Variants in RTTN observed in about 807,000 individuals in gnomAD.
RTTN encodes the protein rotatin.
RTTN carries 182 observed loss-of-function variants against 269.2 expected under a neutral mutation model. That is an observed-to-expected ratio of 0.68 (90% CI 0.60 to 0.76). RTTN has a LOEUF of 0.76. Among genes scored for constraint, RTTN ranks in the 30% least tolerant of loss-of-function variants. The probability of loss-of-function intolerance (pLI) is 0.00; values close to 1 mark genes in which losing one functional copy is unlikely to be tolerated. For missense variants in RTTN, 2,545 were observed against 2,608.6 expected, an observed-to-expected ratio of 0.98 and a Z score of 0.53; for synonymous variants, 1,006 against 963.5, an observed-to-expected ratio of 1.04 and a Z score of -0.82.
chr18:70,084,298 T>C (rs774577818), intron 32 of RTTN, among the ~76,000 whole-genome samples: 9 of 152,190 alleles, frequency 5.9e-5, no homozygotes, highest in African/African-American at 9.7e-5. Context: ...AACATGCTGT[T>C]TCATGCTATA....
chr18:70,093,207 T>C (rs2058899756), intron 28 of RTTN, among the ~76,000 whole-genome samples: 1 of 151,938 alleles, frequency 6.6e-6, no homozygotes, highest in Admixed American at 6.6e-5. Context: ...CTGTAATTTT[T>C]CAAAACAAAA....
intron 26 of RTTN, among the ~76,000 whole-genome samples, chr18:70,121,042 C>A (rs374572529): frequency 5.4e-4 from 81 of 150,754 alleles, no homozygotes; most frequent in African/African-American, 1.9e-3. Context: ...CAGGGCGAGA[C>A]GCCGTCTCAA....
chr18:70,046,585 G>A (rs1230657123), intron 40 of RTTN, among the ~76,000 whole-genome samples: 5 of 152,214 alleles, frequency 3.3e-5, no homozygotes, highest in Non-Finnish European at 7.3e-5. Context: ...AATAAAGTCT[G>A]TTGTTCTGAT....
intron 19 of RTTN, among the ~76,000 whole-genome samples, chr18:70,141,920 A>C (rs780799950): frequency 3.3e-5 from 5 of 152,222 alleles, no homozygotes; most frequent in African/African-American, 9.6e-5. Flanking sequence ...AAACAGAGGA[A>C]GGAACATGCA....
intron 31 of RTTN, 59 bp downstream of exon 31, chr18:70,087,930 G>A (rs766346648): frequency 3.3e-5 from 51 of 1,550,392 alleles, no homozygotes; most frequent in East Asian, 1.8e-4. Flanking sequence ...GTCAAGTATC[G>A]CTTACGGATA....
intron 19 of RTTN, among the ~76,000 whole-genome samples, chr18:70,141,516 C>A (rs2060256096): frequency 6.6e-6 from 1 of 152,188 alleles, no homozygotes; most frequent in African/African-American, 2.4e-5. Context: ...AGCAAACTAT[C>A]ACAAAGACAG....
chr18:70,145,774 C>T lies in RTTN; in HGVS notation c.2319G>A (p.Ser773=), dbSNP rs758513533. The T allele has an allele frequency of 3.9e-5, 63 of 1,604,764 alleles. No individual in the cohort carries two copies. Among genetic ancestry groups the T allele is most frequent in the Non-Finnish European group, 5.2e-5 (61 of 1,177,150 alleles). The stretch of plus-strand genomic sequence containing the variant: ...GGAATGCTAAAAGCTTTAATGCTAG[C>T]GAACGGACCCTGAGAACACAAAGTA... The part of the protein sequence containing the change: ...LLLVKKPSVR[S]LALKLLAFHL... The change falls in exon 18 of 49, where the codon TCG becomes TCA. Residue 773 remains serine (S), a synonymous_variant. Coordinates refer to ENST00000640769, the MANE Select transcript of RTTN (RefSeq NM_173630.4).
chr18:70,102,181 A>G (rs1169295933), intron 28 of RTTN, among the ~76,000 whole-genome samples: 1 of 152,150 alleles, frequency 6.6e-6, no homozygotes, highest in East Asian at 1.9e-4. Flanking sequence ...GTGGGGTGTT[A>G]AAGTCTCCCA....
chr18:70,013,474 C>A (rs1327114596), intron 46 of RTTN, among the ~76,000 whole-genome samples: 1 of 142,604 alleles, frequency 7.0e-6, no homozygotes, highest in African/African-American at 3.0e-5. Context: ...GCAAGTGGAT[C>A]GACTTTTTTA....
rs542925942 is a variant in RTTN, at chr18:70,066,060, A to G, written c.4654-138T>C. ...AGTTAGGATAACTAGAAAAGATTCC[A>G]TATCTTGGGAGTTACAGCAGTTTTT... On this transcript the variant is annotated intron_variant, in intron 34 of 48. Transcript: ENST00000640769. 6.1e-5 allele frequency: 29 copies of G among 474,486 alleles called. No individual in the cohort carries two copies. The South Asian group carries it at 1.5e-3, about 24-fold the overall frequency. 29.4% of individuals were successfully genotyped at this position (474,486 alleles called of 1,614,324 possible).
intron 26 of RTTN, among the ~76,000 whole-genome samples, chr18:70,119,854 T>C (rs117041862): frequency 0.012 from 1,897 of 152,350 alleles, 22 homozygotes; most frequent in South Asian, 0.038. Context: ...AGTTAATAAA[T>C]GTTTATTGAG....
chr18:70,197,451 G>A (rs186737207), intron 6 of RTTN, among the ~76,000 whole-genome samples, 173 bp downstream of exon 6: 3 of 152,310 alleles, frequency 2.0e-5, no homozygotes, highest in African/African-American at 4.8e-5. Context: ...ACTATTGGAA[G>A]AACTATAACT....
chr18:70,150,394 G>T (rs1031508989), intron 15 of RTTN, among the ~76,000 whole-genome samples: 4 of 152,070 alleles, frequency 2.6e-5, no homozygotes, highest in Non-Finnish European at 5.9e-5. Flanking sequence ...AAACTGATCT[G>T]AATTTTTTGA....
At chr18:70,096,533 T>G (rs566289054) in intron 28 of RTTN, among the ~76,000 whole-genome samples, 1 of 152,324 alleles carries the variant, frequency 6.6e-6, no homozygotes, top group South Asian at 2.1e-4. Flanking sequence ...TTTGTTAGTT[T>G]TCCTTCTAAC....
chr18:70,203,204 CTTTTTT>C (rs779044111), intron 3 of RTTN, among the ~76,000 whole-genome samples: 1 of 145,642 alleles, frequency 6.9e-6, no homozygotes, highest in African/African-American at 2.5e-5. Flanking sequence ...AGAAAGTGTT[CTTTTTT>C]TTTTTTCGAG....
At chr18:70,095,096 GT>G (rs1215462812) in intron 28 of RTTN, among the ~76,000 whole-genome samples, 1 of 145,904 alleles carries the variant, frequency 6.9e-6, no homozygotes, top group Non-Finnish European at 1.5e-5. Context: ...TTTAAAATCT[GT>G]TTTATCAGTG....
intron 39 of RTTN, among the ~76,000 whole-genome samples, chr18:70,050,660 C>T (rs1032406646): frequency 4.6e-5 from 7 of 152,152 alleles, no homozygotes; most frequent in Admixed American, 3.3e-4. Context: ...ATAGCAAAGA[C>T]TTGGAACCAA....
intron 18 of RTTN, among the ~76,000 whole-genome samples, chr18:70,144,813 T>C (rs1434671470): frequency 6.6e-6 from 1 of 152,246 alleles, no homozygotes; most frequent in Non-Finnish European, 1.5e-5. Context: ...CTGTATTACA[T>C]GTGGCTCTAC....
At chr18:70,022,699 A>C (rs947721356) in intron 44 of RTTN, among the ~76,000 whole-genome samples, 1 of 152,176 alleles carries the variant, frequency 6.6e-6, no homozygotes, top group African/African-American at 2.4e-5. Context: ...TAAGTCCAAC[A>C]GCCATTTTTT....
Sources: allele counts gnomAD v4.1 joint callset (sites outside exome capture counted in the v4.1 genomes callset), GRCh38; gene constraint gnomAD v4.1.1; transcripts MANE v1.5; gene names NCBI Gene and HGNC (gene_info 2026-07-23, HGNC 2026-07-21).